SEC24B: variants seen among roughly 807,000 people sequenced by gnomAD.
The protein encoded by SEC24B is SEC24 homolog B, COPII component, also known as protein transport protein Sec24B.
Under a neutral mutation model 142.8 loss-of-function variants are expected in SEC24B, and 45 were observed. The observed-to-expected ratio is 0.32, with a 90% CI of 0.25 to 0.40. SEC24B has a LOEUF of 0.40. SEC24B is among the 10% of genes least tolerant of loss of function. The probability of loss-of-function intolerance (pLI) is 1.00; values close to 1 mark genes in which losing one functional copy is unlikely to be tolerated. For synonymous variants in SEC24B, 574 were observed against 568.2 expected, an observed-to-expected ratio of 1.01 and a Z score of -0.15; for missense variants, 1,409 against 1,526.8, an observed-to-expected ratio of 0.92 and a Z score of 1.29.
At chr4:109,461,315 T>A (rs1731234313) in intron 1 of SEC24B, among the ~76,000 whole-genome samples, 1 of 152,212 alleles carries the variant, frequency 6.6e-6, no homozygotes, top group Non-Finnish European at 1.5e-5. Context: ...TAAGAGATAT[T>A]TGCCAATAAT....
chr4:109,476,204 C>T (rs1053754434), intron 3 of SEC24B, among the ~76,000 whole-genome samples: 3 of 152,232 alleles, frequency 2.0e-5, no homozygotes, highest in African/African-American at 7.2e-5. Flanking sequence ...CCAGGCTGGT[C>T]TCAAACTCCT....
At chr4:109,503,972 G>A (rs1736433237) in intron 6 of SEC24B, among the ~76,000 whole-genome samples, 1 of 151,806 alleles carries the variant, frequency 6.6e-6, no homozygotes, top group African/African-American at 2.4e-5. Context: ...CTTTTGGGGG[G>A]TTTTCTGTTA....
At chr4:109,436,031 C>T (rs752779483) in intron 1 of SEC24B, among the ~76,000 whole-genome samples, 1 of 151,988 alleles carries the variant, frequency 6.6e-6, no homozygotes, top group Admixed American at 6.6e-5. Flanking sequence ...GCATCGAAGC[C>T]GAAAGGAGCA....
At chr4:109,531,124 A>G (rs954909938) in intron 19 of SEC24B, among the ~76,000 whole-genome samples, 4 of 152,156 alleles carry the variant, frequency 2.6e-5, no homozygotes, top group East Asian at 1.9e-4. Flanking sequence ...AAAGGTGTCA[A>G]TGCATCATTT....
intron 5 of SEC24B, among the ~76,000 whole-genome samples, chr4:109,493,623 G>A: frequency 7.0e-6 from 1 of 143,860 alleles, no homozygotes; most frequent in South Asian, 2.1e-4. Flanking sequence ...CACTATTCTA[G>A]ATACTACCTT....
intron 2 of SEC24B, among the ~76,000 whole-genome samples, chr4:109,468,516 A>G (rs955062769): frequency 6.6e-6 from 1 of 152,202 alleles, no homozygotes; most frequent in Non-Finnish European, 1.5e-5. Context: ...TCCTTGTCCT[A>G]TATGTAATCA....
chr4:109,460,812 G>A (rs937215042), intron 1 of SEC24B, among the ~76,000 whole-genome samples: 2 of 150,770 alleles, frequency 1.3e-5, no homozygotes, highest in African/African-American at 4.9e-5. Flanking sequence ...TGTTTTGTTG[G>A]TATTAATAAA....
At chr4:109,476,452 T>C (rs1433289250) in intron 3 of SEC24B, among the ~76,000 whole-genome samples, 1 of 152,216 alleles carries the variant, frequency 6.6e-6, no homozygotes, top group East Asian at 1.9e-4. Flanking sequence ...TGAATATGAT[T>C]CATTGTTAGA....
chr4:109,486,133 T>C (rs915387193), intron 4 of SEC24B, among the ~76,000 whole-genome samples: 1 of 152,228 alleles, frequency 6.6e-6, no homozygotes, highest in Non-Finnish European at 1.5e-5. Flanking sequence ...ATATCTGTTA[T>C]ACCTGTGATA....
At chr4:109,523,986 A>G (rs1171999394) in intron 14 of SEC24B, among the ~76,000 whole-genome samples, 1 of 152,194 alleles carries the variant, frequency 6.6e-6, no homozygotes, top group East Asian at 1.9e-4. Context: ...TAATTTTAAA[A>G]TAAGTATGTA....
chr4:109,539,749 A>C lies in SEC24B; in HGVS notation c.*74A>C, dbSNP rs1725989757. On this transcript the variant is annotated 3_prime_UTR_variant, in exon 24 of 24. Coordinates refer to ENST00000265175, the MANE Select transcript of SEC24B (RefSeq NM_006323.5). ...TAATCTGTCAGAGAAGCGCGTGAGA[A>C]ATTTGAAATGAAGGCATTTGTTAAT... 1.0e-6 allele frequency: 1 copy of C among 976,518 alleles called. No individual in the cohort carries two copies. The allele number at this position is 976,518 out of a possible 1,614,324, so 60.5% of individuals were successfully genotyped here. A position where few individuals can be genotyped will look rare whatever the true frequency, so the allele number is the denominator to read the frequency against.
chr4:109,454,178 C>G (rs1039211741), intron 1 of SEC24B, among the ~76,000 whole-genome samples: 3 of 151,954 alleles, frequency 2.0e-5, no homozygotes, highest in Non-Finnish European at 4.4e-5. Context: ...TTGGTAAAGT[C>G]AAGTTTCTCA....
chr4:109,442,537 G>C (rs951407452), intron 1 of SEC24B, among the ~76,000 whole-genome samples: 2 of 152,066 alleles, frequency 1.3e-5, no homozygotes, highest in African/African-American at 4.8e-5. Flanking sequence ...GTAGGATAAA[G>C]GAACTTGTAC....
intron 2 of SEC24B, among the ~76,000 whole-genome samples, chr4:109,470,127 A>G (rs1195336570): frequency 1.3e-5 from 2 of 152,364 alleles, no homozygotes; most frequent in Non-Finnish European, 2.9e-5. Flanking sequence ...GTGGAGTAAC[A>G]GGAAACTCTT....
At chr4:109,453,067 G>A (rs935832316) in intron 1 of SEC24B, among the ~76,000 whole-genome samples, 1 of 152,112 alleles carries the variant, frequency 6.6e-6, no homozygotes, top group Non-Finnish European at 1.5e-5. Flanking sequence ...GTTCTGTGAT[G>A]CCCCCTGAAC....
At chr4:109,510,898 C>T (rs1409323827) in intron 8 of SEC24B, among the ~76,000 whole-genome samples, 2 of 151,832 alleles carry the variant, frequency 1.3e-5, no homozygotes, top group East Asian at 1.9e-4. Flanking sequence ...CTACCTGTCA[C>T]GTTGGAAGCT....
At chr4:109,441,624 G>A (rs1298258921) in intron 1 of SEC24B, among the ~76,000 whole-genome samples, 1 of 152,140 alleles carries the variant, frequency 6.6e-6, no homozygotes, top group Non-Finnish European at 1.5e-5. Flanking sequence ...TAGAGATGGG[G>A]TTTCACCATG....
chr4:109,526,493 C>T (rs918543961), intron 17 of SEC24B, 94 bp downstream of exon 17: 3 of 839,744 alleles, frequency 3.6e-6, no homozygotes, highest in African/African-American at 3.5e-5. Flanking sequence ...AATGAATACA[C>T]AGTGGGAAGT....
In SEC24B at chr4:109,525,276, C is replaced by G; in HGVS notation, c.2633-70C>G. 3.2e-6 allele frequency: 4 copies of G among 1,266,684 alleles called. No individual in the cohort carries two copies. The South Asian group carries it at 5.6e-5, about 18-fold the overall frequency. 78.5% of individuals were successfully genotyped at this position (1,266,684 alleles called of 1,614,324 possible). On this transcript the variant is annotated intron_variant, in intron 15 of 23. Coordinates refer to ENST00000265175, the MANE Select transcript of SEC24B (RefSeq NM_006323.5). Reference sequence around the variant, plus strand: ...CTTAGATTTCTTCATAATGTAGAATCTGTACTACTGTTGGACAAGTAAAAT... The same window carrying G: ...CTTAGATTTCTTCATAATGTAGAATGTGTACTACTGTTGGACAAGTAAAAT...
Sources: gnomAD v4.1 joint callset for allele counts (sites outside exome capture counted in the v4.1 genomes callset) on GRCh38, gnomAD v4.1.1 for gene constraint, MANE v1.5 for transcripts, NCBI Gene and HGNC (gene_info 2026-07-23, HGNC 2026-07-21) for gene names.